The following GPC5 variants were observed in gnomAD, a reference collection of about 807,000 sequenced individuals.
GPC5 encodes glypican 5.
A neutral mutation model predicts 53.9 loss-of-function variants in GPC5; 47 were observed. The ratio of observed to expected loss-of-function variants is 0.87; its 90% CI spans 0.69 to 1.11. The LOEUF is 1.11. Ranked by LOEUF, GPC5 falls within the 50% of genes most tolerant of loss-of-function variation. The pLI, the probability that GPC5 is intolerant of heterozygous loss-of-function variation, is 0.00. For synonymous variants in GPC5, 286 were observed against 263.3 expected, an observed-to-expected ratio of 1.09 and a Z score of -0.84; for missense variants, 748 against 713.1, an observed-to-expected ratio of 1.05 and a Z score of -0.56.
chr13:91,834,010 A>C (rs545369386), intron 5 of GPC5, among the ~76,000 whole-genome samples: 38 of 152,316 alleles, frequency 2.5e-4, no homozygotes, highest in African/African-American at 7.0e-4. Flanking sequence ...ATCTCAGCCC[A>C]AAATCTCCTT....
chr13:91,901,521 G>A (rs2039497044), intron 5 of GPC5, among the ~76,000 whole-genome samples: 1 of 152,032 alleles, frequency 6.6e-6, no homozygotes, highest in Non-Finnish European at 1.5e-5. Flanking sequence ...AAAGTGCTGT[G>A]TACAAGTTGA....
chr13:91,914,040 C>G (rs1368809327), intron 6 of GPC5, among the ~76,000 whole-genome samples: 1 of 152,158 alleles, frequency 6.6e-6, no homozygotes, highest in East Asian at 1.9e-4. Context: ...GCTCACCTAG[C>G]AAACTTACTT....
intron 1 of GPC5, among the ~76,000 whole-genome samples, chr13:91,434,570 T>A (rs1268916175): frequency 6.6e-6 from 1 of 152,202 alleles, no homozygotes; most frequent in African/African-American, 2.4e-5. Flanking sequence ...TATCTCTGTT[T>A]TGGTACCAGT....
intron 7 of GPC5, among the ~76,000 whole-genome samples, chr13:92,444,936 T>G (rs932973573): frequency 1.3e-5 from 2 of 152,062 alleles, no homozygotes; most frequent in African/African-American, 4.8e-5. Flanking sequence ...AAAATATCAA[T>G]GATCTTAGCA....
intron 5 of GPC5, among the ~76,000 whole-genome samples, chr13:91,906,682 G>A (rs891753028): frequency 1.3e-5 from 2 of 151,942 alleles, no homozygotes; most frequent in Non-Finnish European, 2.9e-5. Context: ...TTGGAATATA[G>A]CATGCATTTA....
chr13:92,490,016 C>T (rs1169582478), intron 7 of GPC5: 4 of 152,668 alleles, frequency 2.6e-5, no homozygotes, highest in Admixed American at 6.6e-5. Flanking sequence ...ACATGTGCTT[C>T]TTCCTCTTAG....
chr13:91,846,031 C>G (rs949981150), intron 5 of GPC5, among the ~76,000 whole-genome samples: 2 of 152,000 alleles, frequency 1.3e-5, no homozygotes, highest in Non-Finnish European at 2.9e-5. Context: ...ATTTTCTTTC[C>G]TTTTGGCAGA....
intron 7 of GPC5, among the ~76,000 whole-genome samples, chr13:92,636,362 A>G (rs1885404981): frequency 6.6e-6 from 1 of 152,176 alleles, no homozygotes; most frequent in African/African-American, 2.4e-5. Flanking sequence ...GTAAACAAAG[A>G]GTTTTTGATA....
At chr13:92,042,380 G>A (rs2040948734) in intron 6 of GPC5, among the ~76,000 whole-genome samples, 1 of 151,978 alleles carries the variant, frequency 6.6e-6, no homozygotes, top group Non-Finnish European at 1.5e-5. Context: ...CAACCGCAAA[G>A]GATAAAAATC....
At chr13:92,396,733 G>A (rs1010219006) in intron 7 of GPC5, among the ~76,000 whole-genome samples, 2 of 152,064 alleles carry the variant, frequency 1.3e-5, no homozygotes, top group African/African-American at 4.8e-5. Flanking sequence ...ATGCTTCAGA[G>A]GCCTATTAGT....
chr13:91,779,574 T>C (rs2037764499), intron 5 of GPC5, among the ~76,000 whole-genome samples: 2 of 152,176 alleles, frequency 1.3e-5, no homozygotes, highest in Admixed American at 1.3e-4. Flanking sequence ...TTACCCAGGC[T>C]GGTCTCAAAC....
intron 6 of GPC5, among the ~76,000 whole-genome samples, chr13:91,945,917 G>A (rs1409818396): frequency 1.3e-5 from 2 of 152,044 alleles, no homozygotes; most frequent in Non-Finnish European, 2.9e-5. Flanking sequence ...CGGGGAATTC[G>A]CCTCTGAGCC....
intron 7 of GPC5, among the ~76,000 whole-genome samples, chr13:92,518,480 C>T (rs573298506): frequency 6.6e-6 from 1 of 152,128 alleles, no homozygotes; most frequent in Non-Finnish European, 1.5e-5. Context: ...ATTCAACATT[C>T]TTAAAGAAAA....
chr13:92,462,052 T>C (rs752599459), intron 7 of GPC5, among the ~76,000 whole-genome samples: 1 of 152,214 alleles, frequency 6.6e-6, no homozygotes, highest in Admixed American at 6.5e-5. Context: ...CAGGAAACTC[T>C]ACCAGTTAGA....
chr13:92,497,592 C>T (rs1481988506), intron 7 of GPC5, among the ~76,000 whole-genome samples: 1 of 151,990 alleles, frequency 6.6e-6, no homozygotes, highest in Non-Finnish European at 1.5e-5. Flanking sequence ...CATGGGTCTG[C>T]TTTGATTCCA....
At chr13:92,530,535 T>C (rs1881525370) in intron 7 of GPC5, among the ~76,000 whole-genome samples, 1 of 152,158 alleles carries the variant, frequency 6.6e-6, no homozygotes, top group Non-Finnish European at 1.5e-5. Flanking sequence ...CAGCCAATTA[T>C]ATTGGTTAGA....
At chr13:91,572,170 T>C (rs548393526) in intron 2 of GPC5, among the ~76,000 whole-genome samples, 1 of 106,780 alleles carries the variant, frequency 9.4e-6, no homozygotes, top group Non-Finnish European at 2.1e-5. Context: ...CACACACATA[T>C]GTATATATAC....
In GPC5 at chr13:91,572,161, A is replaced by G. The variant is rs551903628; in HGVS notation, c.326-121026A>G. Among the ~76,000 whole-genome samples the G allele has an allele frequency of 2.9e-4, 34 of 115,458 alleles. 1 individual carries two copies. The highest frequency in any genetic ancestry group is 1.1e-3 in the African/African-American group (31 of 27,536). The allele number at this position is 115,458 out of a possible 152,430, so 75.7% of individuals were successfully genotyped here. On this transcript the variant is annotated intron_variant, in intron 2 of 7. Coordinates refer to ENST00000377067, the MANE Select transcript of GPC5 (RefSeq NM_004466.6). ...CATATGTATATATACGTGTGTATAC[A>G]CACACATATGTATATATACGTGTGT...
chr13:92,125,072 G>A (rs974787679), intron 6 of GPC5, among the ~76,000 whole-genome samples: 35 of 152,170 alleles, frequency 2.3e-4, no homozygotes, highest in African/African-American at 6.7e-4. Context: ...TTGCCCTCTC[G>A]CTTGCTTGCT....
Sources: gnomAD v4.1 joint callset for allele counts (sites outside exome capture counted in the v4.1 genomes callset) on GRCh38, gnomAD v4.1.1 for gene constraint, MANE v1.5 for transcripts, NCBI Gene and HGNC (gene_info 2026-07-23, HGNC 2026-07-21) for gene names.